Variants in DNAH5 observed in about 807,000 individuals in gnomAD.
The protein encoded by DNAH5 is dynein axonemal heavy chain 5.
In DNAH5, 372 loss-of-function variants were observed where a neutral mutation model predicts 518.2. The observed-to-expected ratio is 0.72, with a 90% CI of 0.66 to 0.78. The LOEUF (loss-of-function observed/expected upper bound fraction) is 0.78. Among genes scored for constraint, DNAH5 ranks in the 30% least tolerant of loss-of-function variants. The pLI is 0.00. For missense variants in DNAH5, 5,523 were observed against 5,687.0 expected (o/e 0.97, Z 0.93); for synonymous variants, 2,039 against 2,025.9 (o/e 1.01, Z -0.17).
At chr5:13,738,139 C>T (rs954706820) in intron 65 of DNAH5, among the ~76,000 whole-genome samples, 5 of 150,574 alleles carry the variant, frequency 3.3e-5, no homozygotes, top group African/African-American at 4.9e-5. Context: ...AGAATAGGTG[C>T]CAAGCAACAT....
At position 13,708,134 on chromosome 5, in the gene DNAH5, A is replaced by G. The variant is rs1743036353; in HGVS notation, c.13327T>C (p.Trp4443Arg). ...DCMFDARIPA[W>R]WKKASWISST... Reference sequence around the variant, plus strand: ...AGGCTTATACGTACTTTTTTCCACCAAGCAGGGATTCTAGCATCAAACATG... The same window carrying G: ...AGGCTTATACGTACTTTTTTCCACCGAGCAGGGATTCTAGCATCAAACATG... Residue 4443 changes from tryptophan (W) to arginine (R), a missense_variant, in exon 76 of 79, where the codon TGG becomes CGG. Around this residue, in one of 3 missense-constraint regions of DNAH5, gnomAD observed 387 missense variants for 430.0 expected, o/e 0.90. Transcript: ENST00000265104. The G allele has an allele frequency of 1.2e-6, 2 of 1,614,158 alleles. No individual in the cohort carries two copies. The highest frequency in any genetic ancestry group is 2.2e-5 in the East Asian group (1 of 44,884).
chr5:13,695,035 C>A (rs949710265), intron 78 of DNAH5, among the ~76,000 whole-genome samples: 3 of 152,182 alleles, frequency 2.0e-5, no homozygotes, highest in South Asian at 2.1e-4. Context: ...GAGAATGAAA[C>A]CTAGTCAGAA....
chr5:13,743,691 G>T (rs1377884271), intron 65 of DNAH5, among the ~76,000 whole-genome samples: 1 of 151,852 alleles, frequency 6.6e-6, no homozygotes, highest in Non-Finnish European at 1.5e-5. Flanking sequence ...AAATGGCCAA[G>T]AAATATATGA....
chr5:13,944,391 T>G lies in DNAH5; in HGVS notation c.48A>C (p.Arg16=). The G allele has an allele frequency of 6.2e-7, 1 of 1,613,854 alleles. No individual in the cohort carries two copies. Among genetic ancestry groups the G allele is most frequent in the Non-Finnish European group, 8.5e-7 (1 of 1,179,920 alleles). ...RRQLWKHSVT[R]VLTQRLKGEK... is the part of the protein sequence containing the mutation. ...GACAACAGCACCTTACCGTTAAAAC[T>G]CGAGTGACGCTATGCTTCCAGAGCT... is the stretch of plus-strand genomic sequence containing the variant. Residue 16 remains arginine (R), a synonymous_variant, in exon 1 of 79, where the codon CGA becomes CGC. Transcript: ENST00000265104.
intron 77 of DNAH5, 44 bp from the exon 78 acceptor site, chr5:13,700,915 T>C: frequency 6.3e-7 from 1 of 1,585,484 alleles, no homozygotes; most frequent in Non-Finnish European, 8.7e-7. Context: ...TAGAGGTTTG[T>C]CTTAATAGAA....
In DNAH5 at chr5:13,944,434, A is replaced by C; in HGVS notation, c.5T>G (p.Phe2Cys). 6.2e-7 allele frequency: 1 copy of C among 1,613,190 alleles called. No individual in the cohort carries two copies. The highest frequency in any genetic ancestry group is 8.5e-7 in the Non-Finnish European group (1 of 1,179,872). The change falls in exon 1 of 79, where the codon TTT becomes TGT. Residue 2 changes from phenylalanine (F) to cysteine (C), a missense_variant. Physicochemically the swap from Phe to Cys is radical, Grantham distance 205. Coordinates refer to ENST00000265104, the MANE Select transcript of DNAH5 (RefSeq NM_001369.3). ...CCAGAGCTGTCTCCTCCCAATCCTA[A>C]ACATTGTAGCCGTGCATGGACAGGC... is the stretch of plus-strand genomic sequence containing the variant. The part of the protein sequence containing the change: M[F>C]RIGRRQLWKH...
Position 13,716,590 on chromosome 5 carries a change from T to G in DNAH5, c.12806A>C (p.Lys4269Thr). The change falls in exon 74 of 79, where the codon AAG (lysine) becomes ACG (threonine). Residue 4269 changes from lysine to threonine, a missense_variant. Around this residue, in one of 3 missense-constraint regions of DNAH5, gnomAD observed 15 missense variants for 33.6 expected, o/e 0.45. Transcript: ENST00000265104. Reference sequence around the variant, plus strand: ...AAACATATTTTCACTGAACCAAACCTTAGCAAATGTGTTCAACAATCTCTT... The same window carrying G: ...AAACATATTTTCACTGAACCAAACCGTAGCAAATGTGTTCAACAATCTCTT... The part of the protein sequence containing the change: ...YDKRLLNTFA[K>T]VWFSENMFGP... The G allele has an allele frequency of 6.2e-7, 1 of 1,613,666 alleles. No homozygotes were observed. The highest frequency in any genetic ancestry group is 8.5e-7 in the Non-Finnish European group (1 of 1,179,570).
chr5:13,891,061 A>G lies in DNAH5; in HGVS notation c.2492T>C (p.Ile831Thr). Residue 831 changes from isoleucine (I) to threonine (T), a missense_variant, in exon 17 of 79, where the codon ATT becomes ACT. By Grantham distance (89) the Ile-to-Thr change is moderately conservative. This residue lies in a region of DNAH5 where 5,121 missense variants were observed against 5,223.3 expected (regional missense o/e 0.98). Transcript: ENST00000265104. ...NDLIEFRIDA[I>T]LEEMSSTPLC... Reference sequence around the variant, plus strand: ...AGGCGTGCTGCTCATTTCTTCTAGAATGGCATCAATGCGGAACTCAATCAA... The same window carrying G: ...AGGCGTGCTGCTCATTTCTTCTAGAGTGGCATCAATGCGGAACTCAATCAA... 1 of 1,614,168 alleles carries G rather than the reference A, an allele frequency of 6.2e-7. No individual in the cohort carries two copies. Among genetic ancestry groups the G allele is most frequent in the Non-Finnish European group, 8.5e-7 (1 of 1,180,010 alleles).
chr5:13,830,511 A>T, intron 36 of DNAH5, 86 bp downstream of exon 36: 1 of 1,480,374 alleles, frequency 6.8e-7, no homozygotes, highest in Non-Finnish European at 9.4e-7. Context: ...TGATTCTAAA[A>T]TGTGGCCAAT....
chr5:13,871,073 G>C (rs1770033029), intron 23 of DNAH5, 71 bp from the exon 24 acceptor site: 1 of 1,128,624 alleles, frequency 8.9e-7, no homozygotes, highest in African/African-American at 1.6e-5. Flanking sequence ...AACTGTCGCT[G>C]TTCTCCAGTA....
At position 13,933,562 on chromosome 5, in the gene DNAH5, G is replaced by A. The variant is rs565371268; in HGVS notation, c.58-2318C>T. ...ATCCCAGCACTTTGGAGGCCAAGGC[G>A]GGTGGATCACCTGAGGTCAGGAGTT... is the stretch of plus-strand genomic sequence containing the variant. On this transcript the variant is annotated intron_variant, in intron 1 of 78. Coordinates refer to ENST00000265104, the MANE Select transcript of DNAH5 (RefSeq NM_001369.3). Among the ~76,000 whole-genome samples, 17 of 152,162 alleles carry A rather than the reference G, an allele frequency of 1.1e-4. No individual in the cohort carries two copies. The East Asian group carries it at 1.2e-3, about 10-fold the overall frequency.
At chr5:13,924,446 C>T (rs373425486) in intron 3 of DNAH5, among the ~76,000 whole-genome samples, 62 of 152,214 alleles carry the variant, frequency 4.1e-4, no homozygotes, top group African/African-American at 1.2e-3. Flanking sequence ...GAGGCCGAGG[C>T]GGGTGAATCA....
At chr5:13,735,960 T>C in intron 66 of DNAH5, 28 bp from the exon 67 acceptor site, 2 of 1,550,112 alleles carry the variant, frequency 1.3e-6, no homozygotes, top group South Asian at 1.1e-5. Context: ...AGGTTGCATG[T>C]GCTACGAGAG....
chr5:13,950,017 C>G (rs1243204289), intron 1 of DNAH5, among the ~76,000 whole-genome samples: 2 of 152,130 alleles, frequency 1.3e-5, no homozygotes, highest in Admixed American at 6.5e-5. Context: ...AATGCACAAC[C>G]TAAGTGAAGG....
chr5:13,899,145 G>T (rs1042831017), intron 15 of DNAH5: 1 of 152,338 alleles, frequency 6.6e-6, no homozygotes, highest in Non-Finnish European at 1.5e-5. Flanking sequence ...TGGCCAGGCT[G>T]GTCTCGAACT....
chr5:13,788,570 T>A lies in DNAH5; in HGVS notation c.8647+146A>T. 3 of 698,852 alleles carry A rather than the reference T, an allele frequency of 4.3e-6. No homozygotes were observed. The South Asian group carries it at 5.0e-5, about 12-fold the overall frequency. 43.3% of individuals were successfully genotyped at this position (698,852 alleles called of 1,614,324 possible). On this transcript the variant is annotated intron_variant, in intron 51 of 78. Transcript: ENST00000265104. ...ATGCATTAATTCACTCATCCTAGTT[T>A]TATTGAGCATCTACTGTGTCTCAGG...
At chr5:13,965,330 T>C (rs1368469131) in intron 1 of DNAH5, among the ~76,000 whole-genome samples, 1 of 152,226 alleles carries the variant, frequency 6.6e-6, no homozygotes, top group East Asian at 1.9e-4. Context: ...CCTGAATTAT[T>C]GCATGTAAAC....
At chr5:13,949,207 C>T (rs764723040), upstream of DNAH5, among the ~76,000 whole-genome samples, 8 of 152,138 alleles carry the variant, frequency 5.3e-5, no homozygotes, top group African/African-American at 1.9e-4. Flanking sequence ...GTAAATAAAG[C>T]TCTAATTCTT....
chr5:13,961,779 T>C (rs1781204970), intron 1 of DNAH5, among the ~76,000 whole-genome samples: 1 of 152,156 alleles, frequency 6.6e-6, no homozygotes, highest in South Asian at 2.1e-4. Flanking sequence ...TTCCTCCTAC[T>C]AATCCTTGAT....
Sources: gnomAD v4.1 joint callset for allele counts (sites outside exome capture counted in the v4.1 genomes callset) on GRCh38, gnomAD v4.1.1 for gene constraint, gnomAD v4.1.1 regional missense constraint, MANE v1.5 for transcripts, NCBI Gene and HGNC (gene_info 2026-07-23, HGNC 2026-07-21) for gene names.